The following DCUN1D1 variants were observed in gnomAD, a reference collection of about 807,000 sequenced individuals.
DCUN1D1 encodes defective in cullin neddylation 1 domain containing 1, also known as DCN1-like protein 1.
A neutral mutation model predicts 39.0 loss-of-function variants in DCUN1D1; 3 were observed. The observed-to-expected ratio is 0.08, with a 90% confidence interval of 0.04 to 0.20. The LOEUF (loss-of-function observed/expected upper bound fraction) is 0.20. DCUN1D1 is among the 10% of genes least tolerant of loss of function. The pLI is 1.00. For synonymous variants in DCUN1D1, 82 were observed against 96.3 expected (o/e 0.85, Z 0.87); for missense variants, 158 against 302.4 (o/e 0.52, Z 3.54).
intron 4 of DCUN1D1, among the ~76,000 whole-genome samples, chr3:182,960,944 G>C (rs1281933738): frequency 6.6e-6 from 1 of 152,150 alleles, no homozygotes; most frequent in East Asian, 1.9e-4. Context: ...ATGGATGAAT[G>C]CATAAATAAA....
chr3:182,952,440 T>A (rs1247910738), intron 4 of DCUN1D1, among the ~76,000 whole-genome samples: 2 of 152,120 alleles, frequency 1.3e-5, no homozygotes, highest in Admixed American at 1.3e-4. Context: ...CTGAAACCTA[T>A]CTCTATATTC....
chr3:182,978,934 G>A (rs1728377174), intron 1 of DCUN1D1, among the ~76,000 whole-genome samples: 1 of 152,196 alleles, frequency 6.6e-6, no homozygotes, highest in South Asian at 2.1e-4. Flanking sequence ...CTGTCTAGGG[G>A]ATGATGCGGA....
intron 1 of DCUN1D1, among the ~76,000 whole-genome samples, chr3:182,976,869 T>A (rs571185917): frequency 3.9e-5 from 6 of 152,338 alleles, no homozygotes; most frequent in African/African-American, 1.4e-4. Flanking sequence ...CCTCCTTTAT[T>A]TGTAGACATG....
chr3:182,981,516 A>G (rs1297215406), upstream of DCUN1D1, among the ~76,000 whole-genome samples: 1 of 152,220 alleles, frequency 6.6e-6, no homozygotes, highest in African/African-American at 2.4e-5. Flanking sequence ...TCAGAAATGT[A>G]GTATCCAGTT....
upstream of DCUN1D1, among the ~76,000 whole-genome samples, chr3:182,983,747 A>G (rs769231690): frequency 6.6e-6 from 1 of 152,096 alleles, no homozygotes; most frequent in Non-Finnish European, 1.5e-5. Context: ...AGCAAGTAGC[A>G]GAGCTAGGAT....
chr3:182,960,204 T>C (rs538072023), intron 4 of DCUN1D1, among the ~76,000 whole-genome samples: 3 of 152,268 alleles, frequency 2.0e-5, no homozygotes, highest in Admixed American at 6.5e-5. Flanking sequence ...TCACATTAAA[T>C]GGAAGTTATC....
intron 4 of DCUN1D1, among the ~76,000 whole-genome samples, chr3:182,956,485 C>T (rs925248412): frequency 3.9e-5 from 6 of 152,192 alleles, no homozygotes; most frequent in Non-Finnish European, 5.9e-5. Context: ...TCCAGTTAGG[C>T]GACCTTATTA....
chr3:182,971,782 G>A (rs1437176546), intron 1 of DCUN1D1, among the ~76,000 whole-genome samples: 1 of 152,050 alleles, frequency 6.6e-6, no homozygotes, highest in Admixed American at 6.6e-5. Context: ...AAGTAGCAGA[G>A]CCAGAATGAA....
In DCUN1D1 at chr3:182,947,551, A is replaced by C; in HGVS notation, c.602T>G (p.Leu201Trp). ...GAAATGTAGAAAATGTGAACTTACC[A>C]ACAAAAATTTATTCCATAAGTCTAA... ...KFLDLWNKFL[L>W]EHHKRSIPKD... Residue 201 changes from leucine to tryptophan, a missense_variant and splice_region_variant, in exon 5 of 7, where the codon TTG (leucine) becomes TGG (tryptophan). Around this residue, in one of 4 missense-constraint regions of DCUN1D1, gnomAD observed 25 missense variants for 26.3 expected, o/e 0.95. Transcript: ENST00000292782. 6.5e-7 allele frequency: 1 copy of C among 1,544,248 alleles called. No individual in the cohort carries two copies. The highest frequency in any genetic ancestry group is 8.9e-7 in the Non-Finnish European group (1 of 1,126,286).
intron 3 of DCUN1D1, among the ~76,000 whole-genome samples, chr3:182,962,012 C>T (rs1209944575): frequency 1.3e-5 from 2 of 152,178 alleles, no homozygotes; most frequent in Admixed American, 1.3e-4. Flanking sequence ...ACAAACAAAT[C>T]AATTCAATTT....
chr3:182,977,159 A>T lies in DCUN1D1; in HGVS notation c.3+3328T>A, dbSNP rs1168067043. On this transcript the variant is annotated intron_variant, in intron 1 of 6. Transcript: ENST00000292782. ...CTGGATTTCATATGAGTTAACAGAT[A>T]ATACTGGGGGAAATGGTAGACCAGG... Among the ~76,000 whole-genome samples, 8 of 152,224 alleles carry T rather than the reference A, an allele frequency of 5.3e-5. No homozygotes were observed. In the East Asian group the frequency reaches 1.3e-3, roughly 26 times the overall value.
At chr3:182,980,876 G>A (rs1728518848), upstream of DCUN1D1, 2 of 148,772 alleles carry the variant, frequency 1.3e-5, no homozygotes, top group African/African-American at 2.5e-5. Flanking sequence ...CCACGGCCGG[G>A]TCTACGCAGG....
chr3:182,982,709 C>G (rs1728596277), upstream of DCUN1D1, among the ~76,000 whole-genome samples: 2 of 152,196 alleles, frequency 1.3e-5, 1 homozygote, highest in East Asian at 3.8e-4. Context: ...ATGGCGCAAT[C>G]TCAGCTCACT....
chr3:182,961,430 G>A (rs1319561761), intron 3 of DCUN1D1, 74 bp from the exon 4 acceptor site: 8 of 1,279,798 alleles, frequency 6.3e-6, no homozygotes, highest in Admixed American at 2.5e-5. Context: ...TTCCCATGAG[G>A]GCTTACATTT....
chr3:182,952,919 G>A (rs976090961), intron 4 of DCUN1D1, among the ~76,000 whole-genome samples: 22 of 152,218 alleles, frequency 1.4e-4, no homozygotes, highest in Admixed American at 6.5e-5. Context: ...GGACCACAGT[G>A]CTTTGAGATC....
chr3:182,973,467 T>C (rs568157823), intron 1 of DCUN1D1, among the ~76,000 whole-genome samples: 2 of 152,314 alleles, frequency 1.3e-5, no homozygotes, highest in South Asian at 2.1e-4. Flanking sequence ...ATATACATAC[T>C]ACGTAATTAT....
chr3:182,956,804 A>G (rs972543257), intron 4 of DCUN1D1, among the ~76,000 whole-genome samples: 1 of 152,254 alleles, frequency 6.6e-6, no homozygotes, highest in African/African-American at 2.4e-5. Context: ...GCTAAAGAAC[A>G]TATATAATCT....
chr3:182,959,115 A>G (rs529563848), intron 4 of DCUN1D1, among the ~76,000 whole-genome samples: 1 of 152,306 alleles, frequency 6.6e-6, no homozygotes, highest in African/African-American at 2.4e-5. Flanking sequence ...AAAACATCCC[A>G]GTTAACTGGT....
At chr3:182,946,776 G>T (rs999748351) in intron 6 of DCUN1D1, among the ~76,000 whole-genome samples, 1 of 151,934 alleles carries the variant, frequency 6.6e-6, no homozygotes, top group Non-Finnish European at 1.5e-5. Flanking sequence ...GAAGAATATG[G>T]ATTGGTAAAT....
Sources: gnomAD v4.1 joint callset for allele counts (sites outside exome capture counted in the v4.1 genomes callset) on GRCh38, gnomAD v4.1.1 for gene constraint, gnomAD v4.1.1 regional missense constraint, MANE v1.5 for transcripts, NCBI Gene and HGNC (gene_info 2026-07-23, HGNC 2026-07-21) for gene names.